Variants in ABTB2 observed in about 807,000 individuals in gnomAD.
The protein encoded by ABTB2 is ankyrin repeat and BTB/POZ domain-containing protein 2.
In ABTB2, 56 loss-of-function variants were observed where a neutral mutation model predicts 104.1. The ratio of observed to expected loss-of-function variants is 0.54; its 90% CI spans 0.43 to 0.67. The LOEUF (loss-of-function observed/expected upper bound fraction) is 0.67. Among genes scored for constraint, ABTB2 ranks in the 30% least tolerant of loss-of-function variants. The pLI, the probability that ABTB2 is intolerant of heterozygous loss-of-function variation, is 0.00. For missense variants in ABTB2, 1,279 were observed against 1,407.7 expected (o/e 0.91, Z 1.46); for synonymous variants, 606 against 608.2 (o/e 1.00, Z 0.05).
chr11:34,349,226 C>T (rs1564938733), intron 1 of ABTB2, among the ~76,000 whole-genome samples: 1 of 152,174 alleles, frequency 6.6e-6, no homozygotes, highest in East Asian at 1.9e-4. Flanking sequence ...GTCCAATATC[C>T]ACAGGAGAAT....
At chr11:34,232,883 CTG>C (rs1853790359) in intron 1 of ABTB2, among the ~76,000 whole-genome samples, 1 of 152,014 alleles carries the variant, frequency 6.6e-6, no homozygotes, top group African/African-American at 2.4e-5. Context: ...TCTCTTGAGC[CTG>C]TGAGGTCAGG....
At chr11:34,214,139 A>AACACACACACACACACACAC (rs10529537) in intron 1 of ABTB2, among the ~76,000 whole-genome samples, 1,574 of 139,172 alleles carry the variant, frequency 0.011, 45 homozygotes, top group African/African-American at 0.042. Flanking sequence ...GCACATTCAA[A>AACACACACACACACACACAC]ACACACACAC....
In ABTB2 at chr11:34,270,467, G is replaced by A. The variant is rs1854301286; in HGVS notation, c.884-65777C>T. ...CTATTCTCCTGCTTCAGCCTCCCGA[G>A]TAGCTGGGATTATAGGCACCTACCA... On this transcript the variant is annotated intron_variant, in intron 1 of 16. Coordinates refer to ENST00000435224, the MANE Select transcript of ABTB2 (RefSeq NM_145804.3). Among the ~76,000 whole-genome samples, 3 of 151,948 alleles carry A rather than the reference G, an allele frequency of 2.0e-5. No individual in the cohort carries two copies. In the South Asian group the frequency reaches 6.2e-4, roughly 32 times the overall value.
chr11:34,217,392 A>C (rs1379022724), intron 1 of ABTB2, among the ~76,000 whole-genome samples: 31 of 152,216 alleles, frequency 2.0e-4, no homozygotes. Flanking sequence ...GGTTGCTTCC[A>C]AGTTTGGCAA....
rs376864752 is a variant in ABTB2, at chr11:34,167,292, G to A, written c.1722C>T (p.Phe574=). The A allele has an allele frequency of 3.9e-5, 63 of 1,613,112 alleles. No individual in the cohort carries two copies. Among genetic ancestry groups the A allele is most frequent in the African/African-American group, 9.3e-5 (7 of 74,912 alleles). Residue 574 remains phenylalanine, a synonymous_variant, in exon 7 of 17, where the codon TTC becomes TTT. Coordinates refer to ENST00000435224, the MANE Select transcript of ABTB2 (RefSeq NM_145804.3). ...PDSRHWTSLT[F]AVLHGHISVV... ...CAGAGATGTGTCCATGCAGCACAGC[G>A]AATGTCAGTGAGGTCCAGTGCCGGC...
At chr11:34,195,232 C>A (rs1183265868) in intron 3 of ABTB2, among the ~76,000 whole-genome samples, 1 of 152,240 alleles carries the variant, frequency 6.6e-6, no homozygotes, top group Non-Finnish European at 1.5e-5. Flanking sequence ...CCGGCCTCAG[C>A]CCAGCACCTT....
chr11:34,313,507 G>A (rs1471110534), intron 1 of ABTB2, among the ~76,000 whole-genome samples: 7 of 152,210 alleles, frequency 4.6e-5, no homozygotes, highest in Non-Finnish European at 1.0e-4. Flanking sequence ...CAGGCTCCCC[G>A]GAGAAGCAGA....
At chr11:34,250,036 G>A (rs1854037086) in intron 1 of ABTB2, among the ~76,000 whole-genome samples, 1 of 152,156 alleles carries the variant, frequency 6.6e-6, no homozygotes, top group Non-Finnish European at 1.5e-5. Context: ...GATAGAGCTG[G>A]GAAACTCAGG....
intron 1 of ABTB2, among the ~76,000 whole-genome samples, chr11:34,272,302 C>CAAAAAA (rs60997940): frequency 9.9e-5 from 8 of 80,748 alleles, no homozygotes; most frequent in African/African-American, 2.3e-4. Flanking sequence ...CAGGAAGCTG[C>CAAAAAA]AAAAAAAAAA....
chr11:34,206,812 T>G (rs2133041839), intron 1 of ABTB2, among the ~76,000 whole-genome samples: 1 of 152,314 alleles, frequency 6.6e-6, no homozygotes, highest in East Asian at 1.9e-4. Context: ...GACCTTCCCC[T>G]GACCCAGGCC....
intron 5 of ABTB2, 123 bp downstream of exon 5, chr11:34,170,783 C>G: frequency 1.6e-6 from 2 of 1,219,208 alleles, no homozygotes; most frequent in Non-Finnish European, 2.3e-6. Flanking sequence ...GGAGGTAGCC[C>G]GCCTTTTCGA....
At chr11:34,258,396 C>A (rs1393518201) in intron 1 of ABTB2, among the ~76,000 whole-genome samples, 1 of 152,046 alleles carries the variant, frequency 6.6e-6, no homozygotes, top group Non-Finnish European at 1.5e-5. Flanking sequence ...GAGAAATACC[C>A]CTGTCAAAGA....
chr11:34,259,906 G>A (rs966070595), intron 1 of ABTB2, among the ~76,000 whole-genome samples: 45 of 152,102 alleles, frequency 3.0e-4, no homozygotes, highest in Admixed American at 2.8e-3. Context: ...CTGGGCTCCA[G>A]CAATCCTCCT....
At position 34,357,356 on chromosome 11, in the gene ABTB2, G is replaced by A; in HGVS notation, c.228C>T (p.Pro76=). 2.0e-6 allele frequency: 3 copies of A among 1,533,324 alleles called. No individual in the cohort carries two copies. The highest frequency in any genetic ancestry group is 1.2e-5 in the South Asian group (1 of 82,782). The allele number at this position is 1,533,324 out of a possible 1,614,324, so 95.0% of individuals were successfully genotyped here. A position where few individuals can be genotyped will look rare whatever the true frequency, so the allele number is the denominator to read the frequency against. ...AGAGGTCGGCCACTTCGGGGTCCTC[G>A]GGCAGCACCGTGTTCACCGTGTCCC... ...NSWDTVNTVL[P]EDPEVADLFS... Residue 76 remains proline, a synonymous_variant, in exon 1 of 17, where the codon CCC becomes CCT. Transcript: ENST00000435224.
At chr11:34,283,258 C>T (rs1854469468) in intron 1 of ABTB2, among the ~76,000 whole-genome samples, 1 of 152,026 alleles carries the variant, frequency 6.6e-6, no homozygotes, top group African/African-American at 2.4e-5. Context: ...CTCTGTAACC[C>T]AGGCTGGAGT....
intron 1 of ABTB2, among the ~76,000 whole-genome samples, chr11:34,260,412 C>T (rs10768057): frequency 0.36 from 54,888 of 152,006 alleles, 11,440 homozygotes; most frequent in African/African-American, 0.58. Flanking sequence ...GAATAATAAA[C>T]ACAGAAGGTC....
At chr11:34,152,761 C>T (rs1852563789) in intron 16 of ABTB2, among the ~76,000 whole-genome samples, 177 bp from the exon 17 acceptor site, 1 of 152,164 alleles carries the variant, frequency 6.6e-6, no homozygotes, top group Non-Finnish European at 1.5e-5. Flanking sequence ...AACTGTTCAG[C>T]CCCCGTCATT....
At chr11:34,282,720 C>T (rs1262124637) in intron 1 of ABTB2, among the ~76,000 whole-genome samples, 6 of 151,322 alleles carry the variant, frequency 4.0e-5, no homozygotes, top group Admixed American at 2.0e-4. Context: ...TTAGTAGAGA[C>T]GGGGTTTCAC....
intron 10 of ABTB2, 82 bp downstream of exon 10, chr11:34,162,494 G>A: frequency 1.4e-6 from 2 of 1,426,598 alleles, no homozygotes; most frequent in Non-Finnish European, 9.6e-7. Flanking sequence ...GCCCTCTCAG[G>A]CCTGCTGAAG....
Sources: gnomAD v4.1 joint callset for allele counts (sites outside exome capture counted in the v4.1 genomes callset) on GRCh38, gnomAD v4.1.1 for gene constraint, MANE v1.5 for transcripts, NCBI Gene and HGNC (gene_info 2026-07-23, HGNC 2026-07-21) for gene names.